NDEL1: variants seen among roughly 807,000 people sequenced by gnomAD.
The protein encoded by NDEL1 is nuclear distribution protein nudE-like 1.
Under a neutral mutation model 45.7 loss-of-function variants are expected in NDEL1, and 9 were observed. That is an observed-to-expected ratio of 0.20 (90% confidence interval 0.12 to 0.34). NDEL1 has a LOEUF of 0.34. NDEL1 is among the 10% of genes least tolerant of loss of function. The probability of loss-of-function intolerance (pLI) is 1.00; values close to 1 mark genes in which losing one functional copy is unlikely to be tolerated. For synonymous variants in NDEL1, 133 were observed against 158.6 expected (o/e 0.84, Z 1.21); for missense variants, 306 against 406.2 (o/e 0.75, Z 2.12).
intron 1 of NDEL1, among the ~76,000 whole-genome samples, chr17:8,440,410 A>G (rs1448367804): frequency 1.3e-5 from 2 of 151,968 alleles, no homozygotes; most frequent in African/African-American, 4.8e-5. Flanking sequence ...GCTACTTAGG[A>G]GGCCGAGGCA....
chr17:8,472,219 T>C (rs1911854232), downstream of NDEL1, among the ~76,000 whole-genome samples: 1 of 152,230 alleles, frequency 6.6e-6, no homozygotes, highest in Non-Finnish European at 1.5e-5. Context: ...AAGGGCTGGC[T>C]AGAACAGCTT....
At chr17:8,428,143 C>G (rs1287516466) in intron 1 of NDEL1, among the ~76,000 whole-genome samples, 1 of 151,988 alleles carries the variant, frequency 6.6e-6, no homozygotes, top group Non-Finnish European at 1.5e-5. Context: ...TCTATTTTCC[C>G]TTTAGAATAT....
downstream of NDEL1, among the ~76,000 whole-genome samples, chr17:8,470,021 T>C (rs1911798378): frequency 6.6e-6 from 1 of 152,030 alleles, no homozygotes; most frequent in Non-Finnish European, 1.5e-5. This position sits in a 1 kb window ranked among gnomAD's most constrained non-coding sequence, Gnocchi z 4.2. Context: ...GTGACGTTTT[T>C]TTTGTGGCTC....
Position 8,446,465 on chromosome 17 carries a change from C to A in NDEL1, c.241-289C>A, listed in dbSNP as rs1369425084. Among the ~76,000 whole-genome samples the A allele has an allele frequency of 2.0e-5, 3 of 152,204 alleles. No homozygotes were observed. In the East Asian group the frequency reaches 5.8e-4, roughly 29 times the overall value. On this transcript the variant is annotated intron_variant, in intron 3 of 8. Transcript: ENST00000334527. Reference sequence around the variant, plus strand: ...CCTGGGCCGCATTTAGCCTGAAAATCCAGAGGTTTCCTTAACAAGTTTGCG... The same window carrying A: ...CCTGGGCCGCATTTAGCCTGAAAATACAGAGGTTTCCTTAACAAGTTTGCG...
intron 1 of NDEL1, among the ~76,000 whole-genome samples, chr17:8,429,806 A>T (rs1476029319): frequency 1.3e-5 from 2 of 152,122 alleles, no homozygotes; most frequent in Non-Finnish European, 2.9e-5. Context: ...GGAGGCAGGG[A>T]TGCTCTGCAT....
At chr17:8,436,161 G>A (rs1051490561) in intron 1 of NDEL1, 116 bp downstream of exon 1, 29 of 252,078 alleles carry the variant, frequency 1.2e-4, no homozygotes, top group South Asian at 4.4e-4. Context: ...CGCCGGGGCG[G>A]GCCGGGCCGG....
intron 5 of NDEL1, among the ~76,000 whole-genome samples, chr17:8,449,227 C>T (rs899034172): frequency 2.0e-5 from 3 of 152,172 alleles, no homozygotes; most frequent in Admixed American, 6.5e-5. Flanking sequence ...GTGATCCGGC[C>T]GCCTTGGCCT....
chr17:8,413,482 G>A (rs1908471269), intron 1 of NDEL1, among the ~76,000 whole-genome samples: 1 of 152,208 alleles, frequency 6.6e-6, no homozygotes, highest in African/African-American at 2.4e-5. Context: ...GTGGTTTCCT[G>A]AAACCATATC....
intron 1 of NDEL1, among the ~76,000 whole-genome samples, chr17:8,437,246 T>C (rs146146877): frequency 6.6e-6 from 1 of 152,340 alleles, no homozygotes; most frequent in Non-Finnish European, 1.5e-5. Flanking sequence ...ATTATTGTTA[T>C]TTAAAATTAG....
At position 8,413,499 on chromosome 17, in the gene NDEL1, G is replaced by T. The variant is rs537972321; in HGVS notation, c.-13+230G>T. Among the ~76,000 whole-genome samples, 5 of 152,256 alleles carry T rather than the reference G, an allele frequency of 3.3e-5. No homozygotes were observed. In the East Asian group the frequency reaches 9.6e-4, roughly 29 times the overall value. Reference sequence around the variant, plus strand: ...GGTTTCCTGAAACCATATCATTTGCGCACATCTTCCCCCTGATATTCTGAT... The same window carrying T: ...GGTTTCCTGAAACCATATCATTTGCTCACATCTTCCCCCTGATATTCTGAT... On this transcript the variant is annotated intron_variant, in intron 1 of 4. Coordinates refer to the NDEL1 transcript ENST00000582812.
intron 5 of NDEL1, among the ~76,000 whole-genome samples, chr17:8,450,033 A>T (rs12944143): frequency 0.51 from 77,095 of 151,716 alleles, 20,507 homozygotes; most frequent in Middle Eastern, 0.62. Flanking sequence ...CTGTAATTCT[A>T]GCACTTTGGG....
At chr17:8,422,542 C>T (rs1034828941) in intron 1 of NDEL1, among the ~76,000 whole-genome samples, 3 of 152,056 alleles carry the variant, frequency 2.0e-5, no homozygotes, top group Non-Finnish European at 4.4e-5. Context: ...GCCTGCTTCC[C>T]TCTCCTGGAA....
chr17:8,436,501 T>A (rs117797572), intron 1 of NDEL1: 2,986 of 152,706 alleles, frequency 0.02, 51 homozygotes, highest in Middle Eastern at 0.051. Context: ...TCTCAGTGCC[T>A]CTCTCCCATG....
chr17:8,471,397 C>T (rs1350478701), downstream of NDEL1, among the ~76,000 whole-genome samples: 1 of 152,234 alleles, frequency 6.6e-6, no homozygotes, highest in Non-Finnish European at 1.5e-5. Flanking sequence ...ACCATCACAG[C>T]TGCGCCTACT....
intron 1 of NDEL1, among the ~76,000 whole-genome samples, chr17:8,425,765 A>G (rs968016340): frequency 1.3e-5 from 2 of 151,556 alleles, no homozygotes; most frequent in Non-Finnish European, 2.9e-5. Context: ...TACTGCTGGC[A>G]TACTCAGGGT....
chr17:8,453,885 G>C (rs1223163194), intron 6 of NDEL1, among the ~76,000 whole-genome samples: 1 of 152,118 alleles, frequency 6.6e-6, no homozygotes, highest in Non-Finnish European at 1.5e-5. Context: ...ACTTCTGATA[G>C]AATAGGCTAA....
rs778210698 is a variant in NDEL1, at chr17:8,450,824, A to G, written c.571A>G (p.Thr191Ala). The stretch of plus-strand genomic sequence containing the variant: ...AGTTCGGGAAAGACAACAGGAAGTA[A>G]CTAGAAAGTCGGCTCCTAGCTCTCC... ...LAVRERQQEV[T>A]RKSAPSSPTL... Residue 191 changes from threonine to alanine, a missense_variant, in exon 6 of 9, where the codon ACT becomes GCT. This residue lies in a region of NDEL1 where 175 missense variants were observed against 205.2 expected (regional missense o/e 0.85). Coordinates refer to ENST00000334527, the MANE Select transcript of NDEL1 (RefSeq NM_030808.5). 9.9e-6 allele frequency: 16 copies of G among 1,612,538 alleles called. No homozygotes were observed. The Admixed American group carries it at 2.5e-4, about 25-fold the overall frequency.
intron 7 of NDEL1, among the ~76,000 whole-genome samples, chr17:8,455,107 ATTCTT>A (rs892915785): frequency 6.6e-6 from 1 of 152,178 alleles, no homozygotes; most frequent in African/African-American, 2.4e-5. Flanking sequence ...CCACCGGGGC[ATTCTT>A]CCTGTTCCCC....
chr17:8,445,772 G>T lies in NDEL1; in HGVS notation c.148G>T (p.Glu50Ter). The T allele has an allele frequency of 1.2e-6, 2 of 1,602,374 alleles. No individual in the cohort carries two copies. Among genetic ancestry groups the T allele is most frequent in the Non-Finnish European group, 1.7e-6 (2 of 1,175,974 alleles). ...GGAAGGAAGCAGAGAATTAGAAGCA[G>T]AGTTGGAGGCACAATTAGTACAGGC... Reference protein sequence around the residue: ...FQEGSRELEAELEAQLVQAEQ... With the variant: ...FQEGSRELEA The change falls in exon 3 of 9, where the codon GAG becomes TAG. Residue 50 changes from glutamate to a stop codon, truncating the protein, a stop_gained. Coordinates refer to ENST00000334527, the MANE Select transcript of NDEL1 (RefSeq NM_030808.5). LOFTEE classifies it high-confidence loss of function.
Sources: gnomAD v4.1 joint callset for allele counts (sites outside exome capture counted in the v4.1 genomes callset) on GRCh38, gnomAD v4.1.1 for gene constraint, gnomAD v4.1.1 regional missense constraint, Gnocchi (gnomAD v3.1) non-coding constraint, MANE v1.5 for transcripts, NCBI Gene and HGNC (gene_info 2026-07-23, HGNC 2026-07-21) for gene names.